The following MAP2 variants were observed in gnomAD, a reference collection of about 807,000 sequenced individuals.
The protein encoded by MAP2 is microtubule-associated protein 2.
Under a neutral mutation model 137.6 loss-of-function variants are expected in MAP2, and 14 were observed. The ratio of observed to expected loss-of-function variants is 0.10; its 90% CI spans 0.07 to 0.16. The LOEUF (loss-of-function observed/expected upper bound fraction) is 0.16, where lower values mean the gene tolerates loss of function less well. Among genes scored for constraint, MAP2 ranks in the 10% least tolerant of loss-of-function variants. MAP2 has a pLI of 1.00. For missense variants in MAP2, 2,088 were observed against 2,191.5 expected (o/e 0.95, Z 0.94); for synonymous variants, 786 against 782.3 (o/e 1.00, Z -0.08).
intron 1 of MAP2, among the ~76,000 whole-genome samples, chr2:209,466,722 T>C (rs114699198): frequency 0.041 from 6,280 of 152,248 alleles, 166 homozygotes; most frequent in African/African-American, 0.075. Context: ...CCCTTAAAGA[T>C]AGGGAAGGCA....
At chr2:209,717,641 A>G (rs1291877923) in intron 13 of MAP2, among the ~76,000 whole-genome samples, 1 of 152,182 alleles carries the variant, frequency 6.6e-6, no homozygotes, top group East Asian at 1.9e-4. Flanking sequence ...ACTGGGTGCT[A>G]TTAACATGTA....
At chr2:209,707,433 T>C (rs1349349645) in intron 12 of MAP2, among the ~76,000 whole-genome samples, 1 of 152,106 alleles carries the variant, frequency 6.6e-6, no homozygotes, top group Admixed American at 6.6e-5. Context: ...CCACTTCTAC[T>C]TGTGCACCAT....
chr2:209,568,229 C>T (rs1460678463), intron 2 of MAP2, among the ~76,000 whole-genome samples: 1 of 151,858 alleles, frequency 6.6e-6, no homozygotes, highest in Admixed American at 6.6e-5. Flanking sequence ...TACACTGTCC[C>T]CTCAACAGCC....
intron 1 of MAP2, among the ~76,000 whole-genome samples, chr2:209,460,755 T>G (rs752127298): frequency 1.2e-4 from 18 of 152,254 alleles, no homozygotes; most frequent in African/African-American, 1.7e-4. Flanking sequence ...ACTTTTTGGT[T>G]GTTGTTTTTT....
chr2:209,434,810 A>C (rs1281804009), intron 1 of MAP2, among the ~76,000 whole-genome samples: 1 of 129,154 alleles, frequency 7.7e-6, no homozygotes, highest in Non-Finnish European at 1.6e-5. Flanking sequence ...TGACAGAGCC[A>C]GATCCTCTCT....
intron 5 of MAP2, among the ~76,000 whole-genome samples, chr2:209,670,719 T>C (rs553356380): frequency 1.1e-4 from 16 of 152,054 alleles, no homozygotes; most frequent in African/African-American, 2.9e-4. Context: ...TTATACACTG[T>C]ACTCACAATC....
chr2:209,668,939 A>G (rs998447086), intron 5 of MAP2, among the ~76,000 whole-genome samples: 1 of 152,066 alleles, frequency 6.6e-6, no homozygotes, highest in African/African-American at 2.4e-5. Flanking sequence ...GATTACTGAA[A>G]CATGATTATC....
chr2:209,487,817 A>G (rs1319141774), intron 1 of MAP2, among the ~76,000 whole-genome samples: 2 of 152,222 alleles, frequency 1.3e-5, no homozygotes, highest in Non-Finnish European at 2.9e-5. Flanking sequence ...TGTTTTTATC[A>G]TAAACCTTGA....
chr2:209,644,341 C>T (rs1201693904), intron 4 of MAP2, among the ~76,000 whole-genome samples: 1 of 152,060 alleles, frequency 6.6e-6, no homozygotes. Flanking sequence ...AGACCCTATT[C>T]GTGTCCAGTA....
intron 2 of MAP2, among the ~76,000 whole-genome samples, chr2:209,557,234 T>C (rs2070896542): frequency 1.3e-5 from 2 of 152,182 alleles, no homozygotes; most frequent in Non-Finnish European, 2.9e-5. Context: ...ACAACAGACT[T>C]GTGGCACCAT....
At chr2:209,575,259 T>G (rs372549495) in intron 2 of MAP2, among the ~76,000 whole-genome samples, 1 of 152,024 alleles carries the variant, frequency 6.6e-6, no homozygotes. Context: ...CGCTGGCTCA[T>G]GCATGTAATC....
Position 209,730,668 on chromosome 2 carries a change from T to C in MAP2, c.*271T>C. ...CTGCTCTGTTTTGCATGGAGTATTATTATTTTAAAAATTGCATTTTTACCT... is the reference window on the plus strand; with the variant it reads ...CTGCTCTGTTTTGCATGGAGTATTACTATTTTAAAAATTGCATTTTTACCT... On this transcript the variant is annotated 3_prime_UTR_variant, in exon 16 of 16. Transcript: ENST00000682079. 1 of 376,860 alleles carries C rather than the reference T, an allele frequency of 2.7e-6. No individual in the cohort carries two copies. The highest frequency in any genetic ancestry group is 3.3e-5 in the South Asian group (1 of 30,364). The allele number at this position is 376,860 out of a possible 1,614,324, so 23.3% of individuals were successfully genotyped here.
chr2:209,559,179 C>T (rs991735912), intron 2 of MAP2, among the ~76,000 whole-genome samples: 8 of 151,980 alleles, frequency 5.3e-5, no homozygotes, highest in Admixed American at 2.6e-4. Context: ...TTTCCCCCAA[C>T]TCCTCTCCTT....
chr2:209,432,319 C>T (rs182542065), intron 1 of MAP2, among the ~76,000 whole-genome samples: 5 of 152,238 alleles, frequency 3.3e-5, no homozygotes, highest in Non-Finnish European at 7.4e-5. Context: ...GCCTACAGTG[C>T]TCTATCCCTC....
At chr2:209,561,533 A>G (rs915428035) in intron 2 of MAP2, among the ~76,000 whole-genome samples, 1 of 152,202 alleles carries the variant, frequency 6.6e-6, no homozygotes, top group African/African-American at 2.4e-5. Flanking sequence ...TATAAAATGG[A>G]GGTAATAAGA....
chr2:209,638,928 G>A (rs911025365), intron 4 of MAP2, among the ~76,000 whole-genome samples: 5 of 152,018 alleles, frequency 3.3e-5, no homozygotes, highest in African/African-American at 9.7e-5. Flanking sequence ...TAAATTAATC[G>A]ATGGATTGAT....
At chr2:209,597,917 G>A (rs2081749599) in intron 3 of MAP2, among the ~76,000 whole-genome samples, 1 of 152,012 alleles carries the variant, frequency 6.6e-6, no homozygotes, top group African/African-American at 2.4e-5. Context: ...CAGAGCCCCT[G>A]TACTTCTCTC....
rs574424454 is a variant in MAP2, at chr2:209,493,895, A to G, written c.-221-13697A>G. On this transcript the variant is annotated intron_variant, in intron 1 of 15. Transcript: ENST00000682079. The stretch of plus-strand genomic sequence containing the variant: ...TATGGCGATTCCTCAATGATCTAGA[A>G]CCAGGAATACCATTTGGCCCAGCAA... Among the ~76,000 whole-genome samples, 42 of 152,350 alleles carry G rather than the reference A, an allele frequency of 2.8e-4. No individual in the cohort carries two copies. The South Asian group carries it at 8.7e-3, about 32-fold the overall frequency.
At chr2:209,698,762 A>G (rs1233285536) in intron 10 of MAP2, among the ~76,000 whole-genome samples, 1 of 152,224 alleles carries the variant, frequency 6.6e-6, no homozygotes, top group Non-Finnish European at 1.5e-5. Flanking sequence ...TTTTAGCTTC[A>G]TTAAACTTAG....
Sources: allele counts gnomAD v4.1 joint callset (sites outside exome capture counted in the v4.1 genomes callset), GRCh38; gene constraint gnomAD v4.1.1; transcripts MANE v1.5; gene names NCBI Gene and HGNC (gene_info 2026-07-23, HGNC 2026-07-21).